MOSPD2: variants seen among roughly 807,000 people sequenced by gnomAD.
MOSPD2 encodes the protein motile sperm domain containing 2, also known as motile sperm domain-containing protein 2.
In MOSPD2, 5 loss-of-function variants were observed where a neutral mutation model predicts 41.7. The observed-to-expected ratio is 0.12, with a 90% CI of 0.06 to 0.25. MOSPD2 has a LOEUF of 0.25. Ranked by LOEUF, MOSPD2 falls within the 10% of genes least tolerant of loss-of-function variation. MOSPD2 has a pLI of 1.00. For missense variants in MOSPD2, 282 were observed against 375.2 expected, an observed-to-expected ratio of 0.75 and a Z score of 2.05; for synonymous variants, 115 against 126.9, an observed-to-expected ratio of 0.91 and a Z score of 0.63.
At chrX:14,875,859 T>A (rs1043532576) in intron 2 of MOSPD2, among the ~76,000 whole-genome samples, 1 of 112,079 alleles carries the variant, frequency 8.9e-6, no homozygotes, top group African/African-American at 3.2e-5. Context: ...GCCCTTATCG[T>A]AATCTGTAAT....
rs1205342000 is a variant in MOSPD2, at chrX:14,912,196, T to C, written c.880-53T>C. On this transcript the variant is annotated intron_variant, in intron 9 of 14. Transcript: ENST00000380492. Reference sequence around the variant, plus strand: ...ATAATAGTAGGCACTAAAATAGATGTTAATGGTCATGTTAATATATGCTAA... The same window carrying C: ...ATAATAGTAGGCACTAAAATAGATGCTAATGGTCATGTTAATATATGCTAA... 3.5e-5 allele frequency: 29 copies of C among 828,036 alleles called. 1 individual carries two copies. The Admixed American group carries it at 9.7e-4, about 28-fold the overall frequency. The allele number at this position is 828,036 out of a possible 1,213,427, so 68.2% of individuals were successfully genotyped here.
rs1374650147 is a variant in MOSPD2, at chrX:14,892,966, T to G, written c.235+88T>G. On this transcript the variant is annotated intron_variant, in intron 3 of 14. Coordinates refer to ENST00000380492, the MANE Select transcript of MOSPD2 (RefSeq NM_152581.4). ...TATCTAATCATGTATTTGCACATAT[T>G]CCTAGCAGTCATCATAAACACCAGA... 9 of 642,198 alleles carry G rather than the reference T, an allele frequency of 1.4e-5. No individual in the cohort carries two copies. In the East Asian group the frequency reaches 3.0e-4, roughly 22 times the overall value. 52.9% of individuals were successfully genotyped at this position (642,198 alleles called of 1,213,427 possible).
chrX:14,877,409 C>A (rs960656307), intron 2 of MOSPD2, among the ~76,000 whole-genome samples: 2 of 110,107 alleles, frequency 1.8e-5, no homozygotes, highest in African/African-American at 6.6e-5. Context: ...ATGGCGTGAT[C>A]TTGGCTCCAC....
chrX:14,879,981 C>A (rs1394333739), intron 2 of MOSPD2, among the ~76,000 whole-genome samples: 1 of 109,786 alleles, frequency 9.1e-6, no homozygotes, highest in East Asian at 2.9e-4. Flanking sequence ...TCCAACTCTT[C>A]TTGGCCCTTA....
chrX:14,886,546 C>CGAGAGA (rs138780913), intron 2 of MOSPD2, among the ~76,000 whole-genome samples: 6 of 101,894 alleles, frequency 5.9e-5, no homozygotes, highest in Admixed American at 2.2e-4. Context: ...CGCACACACA[C>CGAGAGA]GAGAGAGAGA....
At chrX:14,899,567 C>T (rs1209679043) in intron 5 of MOSPD2, among the ~76,000 whole-genome samples, 7 of 70,340 alleles carry the variant, frequency 1.0e-4, no homozygotes, top group Non-Finnish European at 1.4e-4. Flanking sequence ...TATATACATA[C>T]ACACACACAC....
In MOSPD2 at chrX:14,919,787, T is replaced by G; in HGVS notation, c.1535T>G (p.Phe512Cys). ...CTCTTGCTTGCTTTTGTCACCTCTT[T>G]CTTCTATTTATTGTACAGTTAAAGA... ...TMLLLAFVTS[F>C]FYLLYS Residue 512 changes from phenylalanine (F) to cysteine (C), a missense_variant, in exon 15 of 15, where the codon TTC becomes TGC. Physicochemically the swap from Phe to Cys is radical, Grantham distance 205. This residue lies in a region of MOSPD2 where 94 missense variants were observed against 102.1 expected (regional missense o/e 0.92). Coordinates refer to ENST00000380492, the MANE Select transcript of MOSPD2 (RefSeq NM_152581.4). 8.3e-7 allele frequency: 1 copy of G among 1,209,733 alleles called. No homozygotes were observed. Among genetic ancestry groups the G allele is most frequent in the South Asian group, 1.8e-5 (1 of 56,555 alleles).
chrX:14,919,551 C>T, intron 14 of MOSPD2, 121 bp from the exon 15 acceptor site: 2 of 525,164 alleles, frequency 3.8e-6, no homozygotes, highest in Non-Finnish European at 6.4e-6. Flanking sequence ...CTTCCACCAG[C>T]CTTACAGAGT....
At chrX:14,907,166 G>A in intron 7 of MOSPD2, among the ~76,000 whole-genome samples, 1 of 112,672 alleles carries the variant, frequency 8.9e-6, no homozygotes. Flanking sequence ...AAAACCAAGT[G>A]AGGTGTGATT....
intron 7 of MOSPD2, among the ~76,000 whole-genome samples, chrX:14,905,271 A>G (rs1272373277): frequency 9.0e-6 from 1 of 111,411 alleles, no homozygotes; most frequent in East Asian, 2.8e-4. Flanking sequence ...ACGGAAAATT[A>G]CAAAACCCCA....
intron 2 of MOSPD2, among the ~76,000 whole-genome samples, chrX:14,878,844 A>G (rs936224804): frequency 1.8e-5 from 2 of 111,948 alleles, no homozygotes; most frequent in African/African-American, 3.2e-5. Flanking sequence ...TATGTACAAA[A>G]TGTATAAAAC....
intron 2 of MOSPD2, among the ~76,000 whole-genome samples, chrX:14,887,846 A>G (rs1178037880): frequency 9.0e-6 from 1 of 111,244 alleles, no homozygotes; most frequent in Admixed American, 9.6e-5. Context: ...GTGTGTTCCT[A>G]GAGACATATC....
chrX:14,886,522 C>T (rs752864837), intron 2 of MOSPD2, among the ~76,000 whole-genome samples: 4 of 107,639 alleles, frequency 3.7e-5, no homozygotes, highest in Non-Finnish European at 5.7e-5. Context: ...TACACACACA[C>T]ACACACACAT....
At chrX:14,901,344 G>A (rs915179565) in intron 6 of MOSPD2, among the ~76,000 whole-genome samples, 2 of 111,756 alleles carry the variant, frequency 1.8e-5, no homozygotes, top group Admixed American at 1.9e-4. Context: ...AGACAGCAGA[G>A]AGGCAACAGG....
At position 14,903,020 on chromosome X, in the gene MOSPD2, C is replaced by G; in HGVS notation, c.577+16C>G. On this transcript the variant is annotated intron_variant, in intron 7 of 14. Transcript: ENST00000380492. The stretch of plus-strand genomic sequence containing the variant: ...TTAATGAATGGTGAGTATATTTATA[C>G]TTTCTTAAAACAAAATGTCTAATTT... 1 of 1,064,816 alleles carries G rather than the reference C, an allele frequency of 9.4e-7. No homozygotes were observed. The highest frequency in any genetic ancestry group is 1.3e-6 in the Non-Finnish European group (1 of 766,467). The allele number at this position is 1,064,816 out of a possible 1,213,427, so 87.8% of individuals were successfully genotyped here.
chrX:14,906,790 C>T (rs1039826605), intron 7 of MOSPD2, among the ~76,000 whole-genome samples: 2 of 111,549 alleles, frequency 1.8e-5, no homozygotes, highest in African/African-American at 3.3e-5. Flanking sequence ...TTTGGGAGGC[C>T]GAGGTGGGCA....
chrX:14,895,788 G>A (rs1053062832), intron 4 of MOSPD2, among the ~76,000 whole-genome samples: 9 of 110,804 alleles, frequency 8.1e-5, no homozygotes, highest in Non-Finnish European at 1.5e-4. Flanking sequence ...TCTCACTCTA[G>A]CTTTTTCTGA....
rs2092556436 is a variant in MOSPD2, at chrX:14,892,827, C to T, written c.184C>T (p.Leu62=). 8.3e-7 allele frequency: 1 copy of T among 1,206,577 alleles called. No homozygotes were observed. Among genetic ancestry groups the T allele is most frequent in the East Asian group, 3.0e-5 (1 of 33,802 alleles). The change falls in exon 3 of 15, where the codon CTG becomes TTG. Residue 62 remains leucine, a synonymous_variant. Coordinates refer to ENST00000380492, the MANE Select transcript of MOSPD2 (RefSeq NM_152581.4). Reference sequence around the variant, plus strand: ...GAGACATAATATTGTAGATGAAACACTGAAGATGCTCGATGAGAGTTTTCA... The same window carrying T: ...GAGACATAATATTGTAGATGAAACATTGAAGATGCTCGATGAGAGTTTTCA... ...SWRHNIVDET[L]KMLDESFQWR...
intron 2 of MOSPD2, among the ~76,000 whole-genome samples, chrX:14,888,395 G>T (rs1359766395): frequency 9.1e-6 from 1 of 110,334 alleles, no homozygotes; most frequent in East Asian, 2.9e-4. Context: ...TCTTTCCTGC[G>T]CTGTTCTCAT....
Sources: gnomAD v4.1 joint callset for allele counts (sites outside exome capture counted in the v4.1 genomes callset) on GRCh38, gnomAD v4.1.1 for gene constraint, gnomAD v4.1.1 regional missense constraint, MANE v1.5 for transcripts, NCBI Gene and HGNC (gene_info 2026-07-23, HGNC 2026-07-21) for gene names.